The following VPS13B variants were observed in gnomAD, a reference collection of about 807,000 sequenced individuals.
VPS13B encodes the protein intermembrane lipid transfer protein VPS13B.
Under a neutral mutation model 426.4 loss-of-function variants are expected in VPS13B, and 285 were observed. The observed-to-expected ratio is 0.67, with a 90% CI of 0.61 to 0.74. The LOEUF (loss-of-function observed/expected upper bound fraction) is 0.74. Ranked by LOEUF, VPS13B falls within the 30% of genes least tolerant of loss-of-function variation. The pLI, the probability that VPS13B is intolerant of heterozygous loss-of-function variation, is 0.00. For missense variants in VPS13B, 4,537 were observed against 4,782.6 expected (o/e 0.95, Z 1.51); for synonymous variants, 1,676 against 1,676.4 (o/e 1.00, Z 0.01).
chr8:99,044,666 G>A (rs868304761), intron 3 of VPS13B, among the ~76,000 whole-genome samples: 1 of 151,954 alleles, frequency 6.6e-6, no homozygotes. Context: ...AGTCCCCAAA[G>A]TCCATTGTGT....
intron 23 of VPS13B, among the ~76,000 whole-genome samples, chr8:99,442,949 A>G (rs1283978115): frequency 1.3e-5 from 2 of 152,170 alleles, no homozygotes; most frequent in African/African-American, 4.8e-5. Flanking sequence ...TAAGAATGAT[A>G]AGTAGATTGA....
intron 40 of VPS13B, among the ~76,000 whole-genome samples, chr8:99,771,789 G>C (rs1465275006): frequency 6.6e-6 from 1 of 152,136 alleles, no homozygotes; most frequent in Non-Finnish European, 1.5e-5. Flanking sequence ...AGATTTTTGG[G>C]TAATTCATTT....
intron 2 of VPS13B, among the ~76,000 whole-genome samples, chr8:99,032,848 T>G (rs1044617386): frequency 7.4e-4 from 113 of 152,144 alleles, no homozygotes; most frequent in African/African-American, 2.6e-3. Flanking sequence ...CCCGAATTAT[T>G]TTCTTTGTGA....
At chr8:99,772,534 G>A (rs1811557409) in intron 40 of VPS13B, among the ~76,000 whole-genome samples, 1 of 151,960 alleles carries the variant, frequency 6.6e-6, no homozygotes. Flanking sequence ...TTCTAGAGAT[G>A]GATGGTGGTG....
At chr8:99,418,507 C>CTTTT (rs1816182484) in intron 21 of VPS13B, among the ~76,000 whole-genome samples, 2 of 126,096 alleles carry the variant, frequency 1.6e-5, no homozygotes, top group Non-Finnish European at 3.4e-5. Context: ...TTCTTTCTTT[C>CTTTT]TTTCTTTCCT....
chr8:99,874,739 G>GTATC (rs1189048419), intron 61 of VPS13B, among the ~76,000 whole-genome samples: 4 of 152,112 alleles, frequency 2.6e-5, no homozygotes, highest in African/African-American at 9.7e-5. Context: ...AGAACCTAGT[G>GTATC]TATCTCAGTT....
chr8:99,132,444 C>A (rs1809855956), intron 8 of VPS13B, among the ~76,000 whole-genome samples: 1 of 152,122 alleles, frequency 6.6e-6, no homozygotes, highest in South Asian at 2.1e-4. Context: ...GTCTTGAATA[C>A]CTCAAAGTCA....
chr8:99,299,992 A>G (rs1588223035), intron 19 of VPS13B, among the ~76,000 whole-genome samples: 1 of 152,210 alleles, frequency 6.6e-6, no homozygotes, highest in South Asian at 2.1e-4. Context: ...ATATGATCAT[A>G]TAACTACTAC....
At chr8:99,746,497 G>A (rs149679004) in intron 39 of VPS13B, among the ~76,000 whole-genome samples, 129 of 152,258 alleles carry the variant, frequency 8.5e-4, no homozygotes, top group East Asian at 4.1e-3. Context: ...GCATCCTGCC[G>A]TTATTGAGCA....
intron 30 of VPS13B, among the ~76,000 whole-genome samples, chr8:99,553,455 G>A (rs1028280349): frequency 1.3e-5 from 2 of 152,034 alleles, no homozygotes; most frequent in African/African-American, 4.8e-5. Context: ...TTGTGCATCT[G>A]TGATTAGTTG....
At chr8:99,154,661 C>T (rs944829534) in intron 14 of VPS13B, among the ~76,000 whole-genome samples, 1 of 152,108 alleles carries the variant, frequency 6.6e-6, no homozygotes, top group Non-Finnish European at 1.5e-5. Context: ...GAGTTCAGGC[C>T]CTGCCACATT....
At chr8:99,227,795 A>G (rs1363506689) in intron 17 of VPS13B, among the ~76,000 whole-genome samples, 5 of 152,210 alleles carry the variant, frequency 3.3e-5, no homozygotes, top group Admixed American at 2.6e-4. Context: ...AACTCTTTGT[A>G]CTGTTGGTGG....
chr8:99,544,844 T>C (rs1288221163), intron 30 of VPS13B, among the ~76,000 whole-genome samples: 3 of 152,184 alleles, frequency 2.0e-5, no homozygotes, highest in Non-Finnish European at 2.9e-5. Context: ...AGATAGCATT[T>C]TACAGGTTAC....
chr8:99,383,498 A>ATTGTGATT lies in VPS13B; in HGVS notation c.2825-710_2825-709insTTGTGATT, dbSNP rs1190041226. Among the ~76,000 whole-genome samples, 6 of 152,290 alleles carry ATTGTGATT rather than the reference A, an allele frequency of 3.9e-5. No individual in the cohort carries two copies. In the East Asian group the frequency reaches 1.2e-3, roughly 29 times the overall value. On this transcript the variant is annotated intron_variant, in intron 19 of 61. Transcript: ENST00000357162. ...TAATGAGATGTAATTCACTTTCTAT[A>ATTGTGATT]CAATTATTTTATATTGTGTGATTCA...
chr8:99,818,532 A>G lies in VPS13B; in HGVS notation c.8443A>G (p.Met2815Val), dbSNP rs989835229. 6.2e-6 allele frequency: 10 copies of G among 1,613,956 alleles called. No individual in the cohort carries two copies. Among genetic ancestry groups the G allele is most frequent in the African/African-American group, 1.3e-5 (1 of 75,046 alleles). The stretch of plus-strand genomic sequence containing the variant: ...ACCCAACTCTCAAGTGCAACAACGA[A>G]TGGTGAGTGCTTTCCCAATCCTAAA... ...LEPNSQVQQRMIVFSPLFIMR... is the reference protein window; with the variant it reads ...LEPNSQVQQRVIVFSPLFIMR... Residue 2815 changes from methionine (M) to valine (V), a missense_variant and splice_region_variant, in exon 46 of 62, where the codon ATG becomes GTG. This residue lies in a region of VPS13B where 4,311 missense variants were observed against 4,474.3 expected (regional missense o/e 0.96). Coordinates refer to ENST00000357162, the MANE Select transcript of VPS13B (RefSeq NM_152564.5).
intron 39 of VPS13B, among the ~76,000 whole-genome samples, chr8:99,727,677 G>C (rs1364885041): frequency 1.3e-5 from 2 of 152,216 alleles, no homozygotes; most frequent in Non-Finnish European, 2.9e-5. Flanking sequence ...TCTCCCACTG[G>C]TTCCCTCCCA....
intron 39 of VPS13B, among the ~76,000 whole-genome samples, chr8:99,731,290 A>G (rs1035453997): frequency 2.6e-5 from 4 of 152,204 alleles, no homozygotes; most frequent in East Asian, 1.9e-4. Context: ...TATCCCTTCT[A>G]TCTTCCCTCT....
At chr8:99,325,653 T>G (rs1365307941) in intron 19 of VPS13B, among the ~76,000 whole-genome samples, 1 of 152,198 alleles carries the variant, frequency 6.6e-6, no homozygotes, top group Non-Finnish European at 1.5e-5. Flanking sequence ...GGAGAGTTAT[T>G]ATTTAGTTCC....
intron 19 of VPS13B, among the ~76,000 whole-genome samples, chr8:99,381,622 A>C (rs1436880247): frequency 1.3e-5 from 2 of 151,980 alleles, no homozygotes; most frequent in Non-Finnish European, 2.9e-5. Context: ...ATGGCATCTC[A>C]TTGTGGTTTT....
Sources: gnomAD v4.1 joint callset for allele counts (sites outside exome capture counted in the v4.1 genomes callset) on GRCh38, gnomAD v4.1.1 for gene constraint, gnomAD v4.1.1 regional missense constraint, MANE v1.5 for transcripts, NCBI Gene and HGNC (gene_info 2026-07-23, HGNC 2026-07-21) for gene names.